Variants in PCDHGA6 observed in about 807,000 individuals in gnomAD.
PCDHGA6 encodes protocadherin gamma-A6.
In PCDHGA6, 41 loss-of-function variants were observed where a neutral mutation model predicts 60.6. The ratio of observed to expected loss-of-function variants is 0.68; its 90% CI spans 0.53 to 0.88. The LOEUF is 0.88. Among genes scored for constraint, PCDHGA6 ranks in the 40% least tolerant of loss-of-function variants. PCDHGA6 has a pLI of 0.00. For synonymous variants in PCDHGA6, 594 were observed against 524.4 expected, an observed-to-expected ratio of 1.13 and a Z score of -1.81; for missense variants, 1,312 against 1,203.0, an observed-to-expected ratio of 1.09 and a Z score of -1.34.
chr5:141,433,176 T>A, intron 1 of PCDHGA6: 1 of 1,610,288 alleles, frequency 6.2e-7, no homozygotes, highest in Non-Finnish European at 8.5e-7. Flanking sequence ...AGTCATGGGT[T>A]AATTGAGGTG....
At chr5:141,421,069 AGATG>A in intron 1 of PCDHGA6, 1 of 598,532 alleles carries the variant, frequency 1.7e-6, no homozygotes, top group Non-Finnish European at 2.8e-6. Context: ...AAGCGGAATG[AGATG>A]GATACTCACA....
intron 1 of PCDHGA6, chr5:141,413,787 A>G (rs2095678061): frequency 6.2e-7 from 1 of 1,613,170 alleles, no homozygotes; most frequent in African/African-American, 1.3e-5. Flanking sequence ...AGCACTCCCT[A>G]GATCGCGAGG....
At chr5:141,413,958 G>C in intron 1 of PCDHGA6, 1 of 1,613,392 alleles carries the variant, frequency 6.2e-7, no homozygotes, top group African/African-American at 1.3e-5. Flanking sequence ...ATTTGCCTGT[G>C]GGCACTCAGC....
intron 1 of PCDHGA6, chr5:141,384,587 T>C: frequency 6.2e-7 from 1 of 1,614,218 alleles, no homozygotes; most frequent in Non-Finnish European, 8.5e-7. Flanking sequence ...CCCGAGATCC[T>C]GTACCCGGCC....
At chr5:141,408,478 T>C (rs1433834175) in intron 1 of PCDHGA6, 1 of 1,614,056 alleles carries the variant, frequency 6.2e-7, no homozygotes, top group Non-Finnish European at 8.5e-7. Context: ...GAATAGACCG[T>C]GAGCAAATAT....
At position 141,375,391 on chromosome 5, in the gene PCDHGA6, A is replaced by C; in HGVS notation, c.1308A>C (p.Thr436=). The C allele has an allele frequency of 6.2e-7, 1 of 1,613,938 alleles. No homozygotes were observed. The highest frequency in any genetic ancestry group is 8.5e-7 in the Non-Finnish European group (1 of 1,180,014). The stretch of plus-strand genomic sequence containing the variant: ...GAACACCACCTCTGTCTACAGAAAC[A>C]ATCATCTCTCTAAATGTGGCAGACA... ...DKGTPPLSTE[T]IISLNVADTN... The change falls in exon 1 of 4, where the codon ACA becomes ACC. Residue 436 remains threonine, a synonymous_variant. Coordinates refer to ENST00000517434, the MANE Select transcript of PCDHGA6 (RefSeq NM_018919.3).
intron 1 of PCDHGA6, chr5:141,385,477 T>C: frequency 7.0e-7 from 1 of 1,433,254 alleles, no homozygotes; most frequent in Non-Finnish European, 9.1e-7. Context: ...GACACTTTAA[T>C]ATAGAACACA....
At chr5:141,467,571 A>G (rs1228156610) in intron 1 of PCDHGA6, among the ~76,000 whole-genome samples, 1 of 152,212 alleles carries the variant, frequency 6.6e-6, no homozygotes, top group South Asian at 2.1e-4. Flanking sequence ...ATGGCTATCC[A>G]GTTGTCCCAA....
At chr5:141,396,767 G>C (rs900685366) in intron 1 of PCDHGA6, 1 of 152,220 alleles carries the variant, frequency 6.6e-6, no homozygotes, top group African/African-American at 2.4e-5. Context: ...ATAAATGTTT[G>C]TTATTAATGA....
intron 3 of PCDHGA6, among the ~76,000 whole-genome samples, chr5:141,506,923 C>G: frequency 6.6e-6 from 1 of 152,184 alleles, no homozygotes; most frequent in African/African-American, 2.4e-5. Flanking sequence ...ACATACTAAA[C>G]AAACTTTAGG....
At chr5:141,392,877 A>G in intron 1 of PCDHGA6, 2 of 1,613,506 alleles carry the variant, frequency 1.2e-6, no homozygotes, top group Non-Finnish European at 1.7e-6. Context: ...GCTGCTGGGA[A>G]CGCTGTGGGA....
chr5:141,478,384 T>G, intron 1 of PCDHGA6: 1 of 1,613,658 alleles, frequency 6.2e-7, no homozygotes, highest in South Asian at 1.1e-5. Context: ...CGCCGCACCT[T>G]TACCATCAGG....
At chr5:141,405,203 C>A in intron 1 of PCDHGA6, 2 of 1,613,520 alleles carry the variant, frequency 1.2e-6, no homozygotes, top group Non-Finnish European at 1.7e-6. Flanking sequence ...AGCTTTCCTA[C>A]AGACCTATTC....
intron 1 of PCDHGA6, among the ~76,000 whole-genome samples, chr5:141,455,997 A>C (rs1373055623): frequency 1.3e-5 from 2 of 151,626 alleles, no homozygotes. Context: ...TCTCGGGTTC[A>C]TGCCATTCTC....
intron 1 of PCDHGA6, chr5:141,383,343 T>TG (rs760440635): frequency 1.2e-6 from 2 of 1,613,888 alleles, no homozygotes; most frequent in Non-Finnish European, 1.7e-6. Flanking sequence ...ATACAGCTCC[T>TG]GGGGTTCGGT....
chr5:141,478,882 A>G, intron 1 of PCDHGA6: 1 of 1,200,164 alleles, frequency 8.3e-7, no homozygotes. Context: ...TTAGCTTGGT[A>G]TCATTTACAT....
chr5:141,511,695 C>A lies in PCDHGA6; in HGVS notation c.*522C>A, dbSNP rs1009832192. The A allele has an allele frequency of 9.7e-5, 19 of 195,544 alleles. No individual in the cohort carries two copies. The highest frequency in any genetic ancestry group is 1.7e-4 in the Non-Finnish European group (16 of 92,634). 12.1% of individuals were successfully genotyped at this position (195,544 alleles called of 1,614,324 possible). A position where few individuals can be genotyped will look rare whatever the true frequency, so the allele number is the denominator to read the frequency against. On this transcript the variant is annotated 3_prime_UTR_variant, in exon 4 of 4. Transcript: ENST00000517434. ...CTTCCCCCAAAGCATGGTTTGGTGC[C>A]AGCCCCTTCACCTCCTTCCAGAGCC...
intron 1 of PCDHGA6, among the ~76,000 whole-genome samples, chr5:141,453,679 T>C (rs960698192): frequency 2.0e-5 from 3 of 152,230 alleles, no homozygotes; most frequent in Non-Finnish European, 2.9e-5. Context: ...GGTAACACAC[T>C]ATGTAGGTAG....
At chr5:141,393,430 C>G in intron 1 of PCDHGA6, 1 of 1,614,040 alleles carries the variant, frequency 6.2e-7, no homozygotes, top group Non-Finnish European at 8.5e-7. Context: ...GAGGAAGAGG[C>G]TGCTCACCAC....
Sources: allele counts gnomAD v4.1 joint callset (sites outside exome capture counted in the v4.1 genomes callset), GRCh38; gene constraint gnomAD v4.1.1; transcripts MANE v1.5; gene names NCBI Gene and HGNC (gene_info 2026-07-23, HGNC 2026-07-21).